MYO5A: variants seen among roughly 807,000 people sequenced by gnomAD.
MYO5A encodes the protein unconventional myosin-Va.
In MYO5A, 98 loss-of-function variants were observed where a neutral mutation model predicts 249.7. The observed-to-expected ratio is 0.39, with a 90% confidence interval of 0.33 to 0.46. MYO5A has a LOEUF of 0.46. Ranked by LOEUF, MYO5A falls within the 20% of genes least tolerant of loss-of-function variation. MYO5A has a pLI of 0.98. For missense variants in MYO5A, 1,696 were observed against 2,308.8 expected (o/e 0.73, Z 5.44); for synonymous variants, 778 against 810.6 (o/e 0.96, Z 0.68).
At position 52,359,951 on chromosome 15, in the gene MYO5A, A is replaced by C; in HGVS notation, c.3423+17T>G. 2 of 1,547,558 alleles carry C rather than the reference A, an allele frequency of 1.3e-6. No homozygotes were observed. The highest frequency in any genetic ancestry group is 1.8e-6 in the Non-Finnish European group (2 of 1,121,910). On this transcript the variant is annotated intron_variant, in intron 25 of 41. Transcript: ENST00000399233. Reference sequence around the variant, plus strand: ...ATGCTCATATCCTACTTTCAGTGACAGATGTCTAAACTGTACCTCTGTCCT... The same window carrying C: ...ATGCTCATATCCTACTTTCAGTGACCGATGTCTAAACTGTACCTCTGTCCT...
Position 52,392,037 on chromosome 15 carries a change from T to C in MYO5A, c.1435A>G (p.Lys479Glu). The C allele has an allele frequency of 1.9e-6, 3 of 1,612,118 alleles. No individual in the cohort carries two copies. Among genetic ancestry groups the C allele is most frequent in the Non-Finnish European group, 2.5e-6 (3 of 1,179,056 alleles). The change falls in exon 12 of 42, where the codon AAG (lysine) becomes GAG (glutamate). Residue 479 changes from lysine (K) to glutamate (E), a missense_variant. Coordinates refer to ENST00000399233, the MANE Select transcript of MYO5A (RefSeq NM_001382347.1). Reference sequence around the variant, plus strand: ...ATGAGTGTCCATGGAATTTGTTCCTTCATATATTCTTCTTGCTCCAATTTG... The same window carrying C: ...ATGAGTGTCCATGGAATTTGTTCCTCCATATATTCTTCTTGCTCCAATTTG... Reference protein sequence around the residue: ...VFKLEQEEYMKEQIPWTLIDF... With the variant: ...VFKLEQEEYMEEQIPWTLIDF...
Position 52,319,274 on chromosome 15 carries a change from G to A in MYO5A, c.5020C>T (p.Arg1674Ter). ...CCCTCATCGGCGATACTGGAGGTTC[G>A]CTTTCTCAACCCTGTGGGCTTCACC... The part of the protein sequence containing the change: ...SGVKPTGLRK[R>*]TSSIADEGTY... The change falls in exon 39 of 42, where the codon CGA becomes TGA. Residue 1674 changes from arginine (R) to a stop codon, truncating the protein, a stop_gained. Transcript: ENST00000399233. LOFTEE classifies it high-confidence loss of function. 6.2e-7 allele frequency: 1 copy of A among 1,614,148 alleles called. No individual in the cohort carries two copies. The highest frequency in any genetic ancestry group is 8.5e-7 in the Non-Finnish European group (1 of 1,180,002).
At chr15:52,442,761 T>TC (rs1172916507) in intron 1 of MYO5A, among the ~76,000 whole-genome samples, 4 of 76,506 alleles carry the variant, frequency 5.2e-5, no homozygotes, top group African/African-American at 3.1e-4. Flanking sequence ...TTTTTTTCTT[T>TC]TTTTTTTTTT....
chr15:52,314,336 AAGG>A (rs1401922536), intron 40 of MYO5A, 133 bp from the exon 41 acceptor site: 1 of 699,236 alleles, frequency 1.4e-6, no homozygotes, highest in Non-Finnish European at 2.6e-6. Flanking sequence ...GACCAGAAGG[AAGG>A]AGGAGCTGGT....
chr15:52,376,327 T>C lies in MYO5A; in HGVS notation c.2420+20A>G. On this transcript the variant is annotated intron_variant, in intron 19 of 41. Coordinates refer to ENST00000399233, the MANE Select transcript of MYO5A (RefSeq NM_001382347.1). ...ACAGTGAATTAGATGGGCACTCTAC[T>C]CTGTCCCCAGGAGACCTACCATCGG... is the stretch of plus-strand genomic sequence containing the variant. The C allele has an allele frequency of 1.2e-6, 2 of 1,611,226 alleles. No homozygotes were observed. The highest frequency in any genetic ancestry group is 1.7e-6 in the Non-Finnish European group (2 of 1,178,246).
intron 1 of MYO5A, among the ~76,000 whole-genome samples, chr15:52,468,145 T>C (rs2076388327): frequency 6.6e-6 from 1 of 151,680 alleles, no homozygotes; most frequent in South Asian, 2.1e-4. Context: ...AGCCTAGGAG[T>C]TGGAGACCAG....
At chr15:52,451,229 T>C (rs1471533570) in intron 1 of MYO5A, among the ~76,000 whole-genome samples, 1 of 152,080 alleles carries the variant, frequency 6.6e-6, no homozygotes, top group Non-Finnish European at 1.5e-5. Flanking sequence ...AAACTGATAC[T>C]CAGGACTTCC....
At chr15:52,435,443 A>AT (rs1020885327) in intron 1 of MYO5A, among the ~76,000 whole-genome samples, 66 of 151,522 alleles carry the variant, frequency 4.4e-4, no homozygotes, top group African/African-American at 1.6e-3. Flanking sequence ...CACCCAGCTA[A>AT]TTTTTTTCTA....
chr15:52,433,364 A>G (rs1203805374), intron 1 of MYO5A, 79 bp from the exon 2 acceptor site: 6 of 737,458 alleles, frequency 8.1e-6, no homozygotes, highest in Non-Finnish European at 1.4e-5. Context: ...ATAACTATTT[A>G]TAATTAAACA....
rs147271400 is a variant in MYO5A, at chr15:52,487,552, C to T, written c.27+41228G>A. ...CAGCTTGGACCACATGGTGAAACCC[C>T]GTCTCTGCTAAAAATATAAAAATTA... On this transcript the variant is annotated intron_variant, in intron 1 of 41. Coordinates refer to ENST00000399233, the MANE Select transcript of MYO5A (RefSeq NM_001382347.1). Among the ~76,000 whole-genome samples, 1,204 of 151,942 alleles carry T rather than the reference C, an allele frequency of 7.9e-3. 16 individuals are homozygous for T. Among genetic ancestry groups the T allele is most frequent in the African/African-American group, 0.028 (1,161 of 41,458 alleles).
chr15:52,525,499 C>A (rs1168611972), intron 1 of MYO5A, among the ~76,000 whole-genome samples: 1 of 152,204 alleles, frequency 6.6e-6, no homozygotes, highest in East Asian at 1.9e-4. Context: ...AGTCTCTTGT[C>A]CTTCACTGTA....
chr15:52,375,139 T>A (rs1015012317), intron 20 of MYO5A, among the ~76,000 whole-genome samples, 165 bp downstream of exon 20: 1 of 152,164 alleles, frequency 6.6e-6, no homozygotes, highest in South Asian at 2.1e-4. Context: ...AGCGAGATCC[T>A]ATTTCTAAAA....
intron 9 of MYO5A, among the ~76,000 whole-genome samples, chr15:52,403,238 T>G (rs2141208247): frequency 6.6e-6 from 1 of 152,188 alleles, no homozygotes; most frequent in Non-Finnish European, 1.5e-5. Flanking sequence ...GAAATCAGAG[T>G]TCTTTTTAAA....
At chr15:52,366,190 T>C (rs2040797123) in intron 23 of MYO5A, among the ~76,000 whole-genome samples, 2 of 152,172 alleles carry the variant, frequency 1.3e-5, no homozygotes, top group Non-Finnish European at 2.9e-5. Flanking sequence ...AGCTGACATA[T>C]CAAACTTAAC....
At chr15:52,520,658 G>A (rs2077598575) in intron 1 of MYO5A, among the ~76,000 whole-genome samples, 1 of 152,174 alleles carries the variant, frequency 6.6e-6, no homozygotes, top group Non-Finnish European at 1.5e-5. Flanking sequence ...AACTAAAACA[G>A]CTGTGGCTGG....
chr15:52,410,773 T>G (rs550932978), intron 5 of MYO5A, among the ~76,000 whole-genome samples: 8 of 152,182 alleles, frequency 5.3e-5, no homozygotes, highest in African/African-American at 1.9e-4. Flanking sequence ...AGACGGGGTT[T>G]CACCATGTTG....
At chr15:52,482,022 A>G (rs2076724580) in intron 1 of MYO5A, among the ~76,000 whole-genome samples, 1 of 152,196 alleles carries the variant, frequency 6.6e-6, no homozygotes, top group African/African-American at 2.4e-5. Context: ...ACTCAGCATG[A>G]TAACTGGAGA....
intron 1 of MYO5A, chr15:52,505,793 T>C: frequency 6.3e-7 from 1 of 1,588,854 alleles, no homozygotes; most frequent in Non-Finnish European, 8.5e-7. Flanking sequence ...ACAGATATGC[T>C]GGAGGAGCAG....
intron 4 of MYO5A, among the ~76,000 whole-genome samples, chr15:52,424,076 C>T (rs1326016828): frequency 2.0e-5 from 3 of 152,066 alleles, no homozygotes; most frequent in Non-Finnish European, 2.9e-5. Flanking sequence ...TAAGTGGTGT[C>T]GAAACTGTAC....
Sources: gnomAD v4.1 joint callset for allele counts (sites outside exome capture counted in the v4.1 genomes callset) on GRCh38, gnomAD v4.1.1 for gene constraint, MANE v1.5 for transcripts, NCBI Gene and HGNC (gene_info 2026-07-23, HGNC 2026-07-21) for gene names.